The following SUGCT variants were observed in gnomAD, a reference collection of about 807,000 sequenced individuals.
The protein encoded by SUGCT is succinyl-CoA:glutarate-CoA transferase, also known as succinyl-CoA:glutarate CoA-transferase.
In SUGCT, 41 loss-of-function variants were observed where a neutral mutation model predicts 55.0. That is an observed-to-expected ratio of 0.74 (90% confidence interval 0.58 to 0.97). The LOEUF (loss-of-function observed/expected upper bound fraction) is 0.97, where lower values mean the gene tolerates loss of function less well. SUGCT is among the 50% of genes least tolerant of loss of function. The pLI, the probability that SUGCT is intolerant of heterozygous loss-of-function variation, is 0.00. For missense variants in SUGCT, 568 were observed against 547.8 expected (o/e 1.04, Z -0.37); for synonymous variants, 187 against 200.4 (o/e 0.93, Z 0.56).
At chr7:40,768,104 G>A (rs1445701625) in intron 13 of SUGCT, among the ~76,000 whole-genome samples, 1 of 152,094 alleles carries the variant, frequency 6.6e-6, no homozygotes, top group African/African-American at 2.4e-5. Flanking sequence ...TGTAGAAATT[G>A]GGGAGGAGAA....
At chr7:40,189,170 C>T (rs1036053354) in intron 4 of SUGCT, among the ~76,000 whole-genome samples, 3 of 152,104 alleles carry the variant, frequency 2.0e-5, no homozygotes, top group South Asian at 2.1e-4. Context: ...GGCGATACCC[C>T]GTCTCTACTA....
chr7:40,168,399 G>A (rs775041300), intron 1 of SUGCT, among the ~76,000 whole-genome samples: 2 of 152,144 alleles, frequency 1.3e-5, no homozygotes, highest in African/African-American at 2.4e-5. Flanking sequence ...CCAGGGGTCC[G>A]TGGTAGATCT....
chr7:40,757,876 C>G (rs1448160310), intron 13 of SUGCT, among the ~76,000 whole-genome samples: 1 of 152,100 alleles, frequency 6.6e-6, no homozygotes, highest in African/African-American at 2.4e-5. Context: ...TGCAGCCAAC[C>G]TTCACTGAGT....
At chr7:40,334,419 T>G (rs1303696612) in intron 9 of SUGCT, among the ~76,000 whole-genome samples, 1 of 152,196 alleles carries the variant, frequency 6.6e-6, no homozygotes, top group Non-Finnish European at 1.5e-5. Flanking sequence ...ACCTGTTGTT[T>G]CCTGACATTT....
chr7:40,221,478 G>C (rs1229279865), intron 6 of SUGCT, among the ~76,000 whole-genome samples: 1 of 147,162 alleles, frequency 6.8e-6, no homozygotes, highest in African/African-American at 2.5e-5. Context: ...TTTTAATTTA[G>C]AAAGCTGTTA....
intron 7 of SUGCT, among the ~76,000 whole-genome samples, chr7:40,253,591 C>G (rs1397761170): frequency 6.6e-6 from 1 of 152,090 alleles, no homozygotes; most frequent in East Asian, 1.9e-4. Flanking sequence ...GAGGCGGAGC[C>G]TCGCTCTGTT....
intron 9 of SUGCT, among the ~76,000 whole-genome samples, chr7:40,439,606 G>A (rs907911577): frequency 6.6e-6 from 1 of 152,076 alleles, no homozygotes; most frequent in Admixed American, 6.6e-5. Context: ...CCGGTGCTAC[G>A]CCACTGTCTT....
At chr7:41,031,431 C>G in the SUGCT span, among the ~76,000 whole-genome samples, 1 of 151,822 alleles carries the variant, frequency 6.6e-6, no homozygotes, top group Non-Finnish European at 1.5e-5. Flanking sequence ...AGAACAAAAT[C>G]ATTTGGAATG....
chr7:40,760,039 G>A (rs941923708), intron 13 of SUGCT, among the ~76,000 whole-genome samples: 3 of 152,114 alleles, frequency 2.0e-5, no homozygotes, highest in African/African-American at 7.2e-5. Flanking sequence ...TTTGGAAGGG[G>A]AATAAAGGAG....
intron 12 of SUGCT, among the ~76,000 whole-genome samples, chr7:40,712,410 T>C (rs1785775333): frequency 6.6e-6 from 1 of 152,250 alleles, no homozygotes; most frequent in Admixed American, 6.5e-5. Context: ...AGCATATATC[T>C]CACATTATAT....
At chr7:40,975,348 T>C in the SUGCT span, among the ~76,000 whole-genome samples, 3 of 152,188 alleles carry the variant, frequency 2.0e-5, no homozygotes, top group Admixed American at 1.3e-4. Flanking sequence ...GGGTCCCATA[T>C]CACAGCTGAA....
At chr7:40,181,474 G>A (rs1440069100) in intron 2 of SUGCT, among the ~76,000 whole-genome samples, 3 of 152,090 alleles carry the variant, frequency 2.0e-5, no homozygotes, top group East Asian at 1.9e-4. Context: ...GGCCAGGCGC[G>A]GTGGCTCACG....
the SUGCT span, among the ~76,000 whole-genome samples, chr7:40,910,621 A>G: frequency 6.6e-6 from 1 of 152,134 alleles, no homozygotes; most frequent in East Asian, 1.9e-4. Flanking sequence ...CCGCTCTGAC[A>G]GTGTTATTTT....
At chr7:40,467,445 A>G (rs1030716067) in intron 11 of SUGCT, among the ~76,000 whole-genome samples, 1 of 152,112 alleles carries the variant, frequency 6.6e-6, no homozygotes, top group African/African-American at 2.4e-5. Context: ...TGTCTCAACA[A>G]TCTAGTTATA....
chr7:40,432,799 A>C (rs1787972655), intron 9 of SUGCT, among the ~76,000 whole-genome samples: 1 of 151,148 alleles, frequency 6.6e-6, no homozygotes, highest in South Asian at 2.1e-4. Context: ...ATTTTAGTTC[A>C]TGAGTTTTGG....
intron 6 of SUGCT, among the ~76,000 whole-genome samples, chr7:40,215,551 T>C (rs139645621): frequency 4.6e-5 from 7 of 152,286 alleles, no homozygotes; most frequent in African/African-American, 1.7e-4. Flanking sequence ...CAAATACAAT[T>C]AATGTTAAGA....
the SUGCT span, among the ~76,000 whole-genome samples, chr7:40,981,009 T>C: frequency 6.6e-6 from 1 of 152,102 alleles, no homozygotes; most frequent in Non-Finnish European, 1.5e-5. Context: ...CATTAGACCT[T>C]AAGGCTCAAG....
intron 12 of SUGCT, among the ~76,000 whole-genome samples, chr7:40,654,997 G>A (rs1800948666): frequency 6.6e-6 from 1 of 152,164 alleles, no homozygotes; most frequent in Non-Finnish European, 1.5e-5. Context: ...ATGCCTTGAT[G>A]CCTTAACAAA....
At chr7:40,458,770 T>A (rs1386922852) in intron 10 of SUGCT, among the ~76,000 whole-genome samples, 1 of 152,218 alleles carries the variant, frequency 6.6e-6, no homozygotes, top group Middle Eastern at 3.2e-3. Flanking sequence ...CCCTATTTCC[T>A]CTAAACAAGA....
Sources: gnomAD v4.1 joint callset for allele counts (sites outside exome capture counted in the v4.1 genomes callset) on GRCh38, gnomAD v4.1.1 for gene constraint, MANE v1.5 for transcripts, NCBI Gene and HGNC (gene_info 2026-07-23, HGNC 2026-07-21) for gene names.